TAB1: variants seen among roughly 807,000 people sequenced by gnomAD.
TAB1 encodes TGF-beta-activated kinase 1 and MAP3K7-binding protein 1.
Under a neutral mutation model 54.5 loss-of-function variants are expected in TAB1, and 30 were observed. The ratio of observed to expected loss-of-function variants is 0.55; its 90% CI spans 0.41 to 0.75. TAB1 has a LOEUF of 0.75. Among genes scored for constraint, TAB1 ranks in the 30% least tolerant of loss-of-function variants. The pLI is 0.00. For missense variants in TAB1, 609 were observed against 683.2 expected, an observed-to-expected ratio of 0.89 and a Z score of 1.21; for synonymous variants, 289 against 286.9, an observed-to-expected ratio of 1.01 and a Z score of -0.07.
At chr22:39,432,582 G>T, downstream of TAB1, 1 of 218,820 alleles carries the variant, frequency 4.6e-6, no homozygotes, top group Non-Finnish European at 7.7e-6. Flanking sequence ...AGCCGCCAGG[G>T]GTCCTGAGGA....
chr22:39,419,493 G>A (rs372440831), intron 6 of TAB1, 26 bp from the exon 7 acceptor site: 8 of 1,551,634 alleles, frequency 5.2e-6, no homozygotes, highest in Non-Finnish European at 7.1e-6. Context: ...CAAGAAGCAG[G>A]ATTGTTGCAC....
chr22:39,403,935 T>C (rs912244088), intron 1 of TAB1, among the ~76,000 whole-genome samples: 2 of 152,092 alleles, frequency 1.3e-5, no homozygotes, highest in East Asian at 1.9e-4. Context: ...TGAGCCACCG[T>C]GCCCGGCCGA....
At chr22:39,426,990 A>G in intron 9 of TAB1, 65 bp downstream of exon 9, 1 of 1,520,826 alleles carries the variant, frequency 6.6e-7, no homozygotes, top group Non-Finnish European at 8.9e-7. Flanking sequence ...GTGGGTGCAG[A>G]GCCCCCGAGG....
downstream of TAB1, chr22:39,436,866 C>T (rs1187373127): frequency 2.6e-6 from 1 of 385,952 alleles, no homozygotes; most frequent in Non-Finnish European, 4.8e-6. Flanking sequence ...TGCAGTGACT[C>T]TGGGGTTCCT....
chr22:39,428,128 G>A lies in TAB1; in HGVS notation c.1252G>A (p.Val418Ile). Residue 418 changes from valine (V) to isoleucine (I), a missense_variant, in exon 10 of 11, where the codon GTC becomes ATC. Physicochemically the swap from Val to Ile is conservative, Grantham distance 29. Coordinates refer to ENST00000216160, the MANE Select transcript of TAB1 (RefSeq NM_006116.3). ...TGTCATGCCCTCCCAGGGCCAGATG[G>A]TCAACGGGGCTCACAGTGCTTCCAC... Reference protein sequence around the residue: ...SLVMPSQGQMVNGAHSASTLD... With the variant: ...SLVMPSQGQMINGAHSASTLD... 1 of 1,613,720 alleles carries A rather than the reference G, an allele frequency of 6.2e-7. No homozygotes were observed. Among genetic ancestry groups the A allele is most frequent in the Non-Finnish European group, 8.5e-7 (1 of 1,179,714 alleles).
chr22:39,416,070 C>T (rs921667540), intron 3 of TAB1, among the ~76,000 whole-genome samples: 4 of 152,176 alleles, frequency 2.6e-5, no homozygotes, highest in African/African-American at 7.2e-5. Context: ...GGCCGCCGCC[C>T]TCATTGACTG....
chr22:39,403,956 T>C (rs1224346210), intron 1 of TAB1, among the ~76,000 whole-genome samples: 1 of 152,106 alleles, frequency 6.6e-6, no homozygotes, highest in Non-Finnish European at 1.5e-5. Context: ...AAAATCCCTC[T>C]TTTGAGTTTG....
intron 1 of TAB1, among the ~76,000 whole-genome samples, chr22:39,412,910 T>TG (rs1926666896): frequency 6.6e-6 from 1 of 150,380 alleles, no homozygotes; most frequent in Non-Finnish European, 1.5e-5. Context: ...TTTTTTTTTT[T>TG]TTTTGAGATG....
chr22:39,423,082 C>G (rs1179064737), intron 8 of TAB1, among the ~76,000 whole-genome samples: 1 of 151,968 alleles, frequency 6.6e-6, no homozygotes, highest in African/African-American at 2.4e-5. Context: ...AACCGATCCT[C>G]CAGCCTTAGC....
rs1401563745 is a variant in TAB1 at position 39,431,220 on chromosome 22, G to T, written c.*998G>T. ...ACACAGTACCCTGGGAGGCATAGGA[G>T]AAGGGTCGGGCCAGCCCAGCCCAGG... On this transcript the variant is annotated 3_prime_UTR_variant, in exon 11 of 11. Transcript: ENST00000216160. The T allele has an allele frequency of 3.0e-6, 3 of 985,516 alleles. No individual in the cohort carries two copies. In the East Asian group the frequency reaches 3.4e-4, roughly 112 times the overall value. The allele number at this position is 985,516 out of a possible 1,614,324, so 61.0% of individuals were successfully genotyped here. A position where few individuals can be genotyped will look rare whatever the true frequency, so the allele number is the denominator to read the frequency against.
chr22:39,429,062 G>A (rs904740113), intron 10 of TAB1: 14 of 985,300 alleles, frequency 1.4e-5, no homozygotes, highest in African/African-American at 3.5e-5. Context: ...GAGTGTGAGC[G>A]CTGTGGCCCT....
intron 8 of TAB1, among the ~76,000 whole-genome samples, chr22:39,425,789 G>T (rs1601698699): frequency 6.6e-6 from 1 of 150,762 alleles, no homozygotes; most frequent in Non-Finnish European, 1.5e-5. Context: ...CTCATGATCG[G>T]CCTGCCTCAG....
At position 39,426,807 on chromosome 22, in the gene TAB1, C is replaced by G; in HGVS notation, c.1026C>G (p.Phe342Leu). ...DRVKRIHSDT[F>L]ASGGERARFC... The stretch of plus-strand genomic sequence containing the variant: ...TGAAGCGCATCCACAGCGACACCTT[C>G]GCCAGTGGTGGGGAGCGTGCCAGGT... Residue 342 changes from phenylalanine (F) to leucine (L), a missense_variant, in exon 9 of 11, where the codon TTC becomes TTG. Coordinates refer to ENST00000216160, the MANE Select transcript of TAB1 (RefSeq NM_006116.3). 2 of 1,614,014 alleles carry G rather than the reference C, an allele frequency of 1.2e-6. No homozygotes were observed. Among genetic ancestry groups the G allele is most frequent in the Non-Finnish European group, 1.7e-6 (2 of 1,180,052 alleles).
intron 1 of TAB1, among the ~76,000 whole-genome samples, chr22:39,410,126 G>C (rs35748716): frequency 0.054 from 8,151 of 152,056 alleles, 344 homozygotes; most frequent in African/African-American, 0.11. Flanking sequence ...TCTTCTTTTT[G>C]AGACTGAGTC....
downstream of TAB1, among the ~76,000 whole-genome samples, chr22:39,436,168 C>G (rs1481045068): frequency 1.3e-5 from 2 of 152,124 alleles, no homozygotes; most frequent in Non-Finnish European, 2.9e-5. Flanking sequence ...TGGTGCATGC[C>G]TGTAGTCCCA....
chr22:39,433,436 G>A, downstream of TAB1: 2 of 974,564 alleles, frequency 2.1e-6, no homozygotes, highest in South Asian at 4.8e-5. Context: ...CTGGGCGACA[G>A]AGCGAGACCC....
rs1926903901 is a variant in TAB1 at position 39,417,813 on chromosome 22, G to A, written c.514G>A (p.Val172Ile). ...GGGAGGGGCCATGGCCGTTGTGGCG[G>A]TCCTTCTCAACAACAAGCTCTACGT... ...ISGGAMAVVA[V>I]LLNNKLYVAN... Residue 172 changes from valine to isoleucine, a missense_variant, in exon 5 of 11, where the codon GTC becomes ATC. By Grantham distance (29) the Val-to-Ile change is conservative (BLOSUM62 3). Coordinates refer to ENST00000216160, the MANE Select transcript of TAB1 (RefSeq NM_006116.3). The A allele has an allele frequency of 1.9e-6, 3 of 1,612,752 alleles. No individual in the cohort carries two copies. Among genetic ancestry groups the A allele is most frequent in the Admixed American group, 3.3e-5 (2 of 59,830 alleles).
chr22:39,407,745 A>C (rs1206662482), intron 1 of TAB1, among the ~76,000 whole-genome samples: 1 of 152,130 alleles, frequency 6.6e-6, no homozygotes, highest in East Asian at 1.9e-4. Flanking sequence ...TCGGCCTCCT[A>C]AAGTGCTCAG....
At chr22:39,404,163 G>A (rs1368086952) in intron 1 of TAB1, among the ~76,000 whole-genome samples, 1 of 152,230 alleles carries the variant, frequency 6.6e-6, no homozygotes, top group Non-Finnish European at 1.5e-5. Context: ...AGTCAAAAAG[G>A]ACTCTTAAGG....
Sources: allele counts gnomAD v4.1 joint callset (sites outside exome capture counted in the v4.1 genomes callset), GRCh38; gene constraint gnomAD v4.1.1; transcripts MANE v1.5; gene names NCBI Gene and HGNC (gene_info 2026-07-23, HGNC 2026-07-21).